The following CRAT variants were observed in gnomAD, a reference collection of about 807,000 sequenced individuals.
CRAT encodes the protein carnitine acetylase.
Under a neutral mutation model 73.7 loss-of-function variants are expected in CRAT, and 66 were observed. The observed-to-expected ratio is 0.90, with a 90% CI of 0.73 to 1.10. The LOEUF (loss-of-function observed/expected upper bound fraction) is 1.10. Among genes scored for constraint, CRAT ranks in the 50% least tolerant of loss-of-function variants. The probability of loss-of-function intolerance (pLI) is 0.00; values close to 1 mark genes in which losing one functional copy is unlikely to be tolerated. For missense variants in CRAT, 745 were observed against 846.9 expected, an observed-to-expected ratio of 0.88 and a Z score of 1.49; for synonymous variants, 321 against 343.2, an observed-to-expected ratio of 0.94 and a Z score of 0.71.
intron 1 of CRAT, chr9:129,109,416 T>G: frequency 1.7e-6 from 1 of 571,526 alleles, no homozygotes; most frequent in Non-Finnish European, 2.8e-6. Context: ...CGAACACTCA[T>G]TTTTTCCTGA....
In CRAT at chr9:129,095,496, G is replaced by T. The variant is rs1847221938; in HGVS notation, c.1782C>A (p.Ser594Arg). 6.2e-7 allele frequency: 1 copy of T among 1,613,536 alleles called. No individual in the cohort carries two copies. Among genetic ancestry groups the T allele is most frequent in the Non-Finnish European group, 8.5e-7 (1 of 1,180,006 alleles). Residue 594 changes from serine (S) to arginine (R), a missense_variant, in exon 14 of 14, where the codon AGC becomes AGA. Coordinates refer to ENST00000318080, the MANE Select transcript of CRAT (RefSeq NM_000755.5). ...GGCGGGCGGCGTTGGTCTCCGCGCA[G>T]CTGTTGTAGGCCGACAGGGAGAAGT... The part of the protein sequence containing the change: ...HINFSLSAYN[S>R]CAETNAARLA...
chr9:129,105,106 C>T (rs143503805), intron 2 of CRAT, among the ~76,000 whole-genome samples: 5,721 of 151,044 alleles, frequency 0.038, 304 homozygotes, highest in African/African-American at 0.13. Flanking sequence ...GGGGTTTCAC[C>T]GTGTTAGCCA....
Position 129,098,119 on chromosome 9 carries a change from T to C in CRAT, c.1358A>G (p.Glu453Gly), listed in dbSNP as rs1429480872. The C allele has an allele frequency of 3.7e-6, 6 of 1,613,780 alleles. No individual in the cohort carries two copies. In the East Asian group the frequency reaches 6.7e-5, roughly 18 times the overall value. ...GTGAAACATGCGCAGGGAGGCACTT[T>C]CATAGGTGGCACATGCCTGTCCGTA... ...RIYGQACATY[E>G]SASLRMFHLG... The change falls in exon 11 of 14, where the codon GAA becomes GGA. Residue 453 changes from glutamate to glycine, a missense_variant. Coordinates refer to ENST00000318080, the MANE Select transcript of CRAT (RefSeq NM_000755.5).
rs774894297 is a variant in CRAT at position 129,102,010 on chromosome 9, C to T, written c.678G>A (p.Ala226=). 30 of 1,614,064 alleles carry T rather than the reference C, an allele frequency of 1.9e-5. No homozygotes were observed. Among genetic ancestry groups the T allele is most frequent in the Admixed American group, 1.2e-4 (7 of 60,002 alleles). The change falls in exon 6 of 14, where the codon GCG becomes GCA. Residue 226 remains alanine, a synonymous_variant. Transcript: ENST00000318080. ...VYHSDGTPLT[A]DQIFVQLEKI... The stretch of plus-strand genomic sequence containing the variant: ...TCTCCAGCTGCACAAAGATCTGATC[C>T]GCAGTGAGGGGTGTCCCGTCACTGT...
At chr9:129,097,912 G>A in intron 11 of CRAT, 101 bp downstream of exon 11, 1 of 1,500,910 alleles carries the variant, frequency 6.7e-7, no homozygotes, top group South Asian at 1.3e-5. Flanking sequence ...GCCCACCATG[G>A]GGCTGGAATC....
At position 129,100,493 on chromosome 9, in the gene CRAT, AG is replaced by A. The variant is rs1219370791; in HGVS notation, c.984+17del. On this transcript the variant is annotated intron_variant, in intron 7 of 13. Transcript: ENST00000318080. ...TGTTCAGGTGTGTGTGAGTGGGCGA[AG>A]CCCTGCCGGGCCTCACCTGCAGCGT... The A allele has an allele frequency of 2.5e-6, 4 of 1,606,198 alleles. No individual in the cohort carries two copies. In the African/African-American group the frequency reaches 5.3e-5, roughly 21 times the overall value.
Position 129,110,593 on chromosome 9 carries a change from C to A in CRAT, c.-84G>T. 1 of 1,450,522 alleles carries A rather than the reference C, an allele frequency of 6.9e-7. No homozygotes were observed. Among genetic ancestry groups the A allele is most frequent in the South Asian group, 1.3e-5 (1 of 74,598 alleles). 89.9% of individuals were successfully genotyped at this position (1,450,522 alleles called of 1,614,324 possible). On this transcript the variant is annotated 5_prime_UTR_variant, in exon 1 of 14. Coordinates refer to ENST00000318080, the MANE Select transcript of CRAT (RefSeq NM_000755.5). The surrounding 1 kb of genome is among the most constrained non-coding windows in gnomAD (Gnocchi z 5.3). ...GCGCCGCCGCCGCCGCGGCTGGGGT[C>A]GGTGGGTCCTTGCTAGAGCCTTCGG...
chr9:129,104,814 C>G (rs1218644857), intron 2 of CRAT, among the ~76,000 whole-genome samples: 1 of 151,112 alleles, frequency 6.6e-6, no homozygotes, highest in East Asian at 1.9e-4. Flanking sequence ...CCGTGTTAGC[C>G]AGGATGGTCT....
intron 6 of CRAT, 36 bp from the exon 7 acceptor site, chr9:129,100,725 G>T (rs1275980728): frequency 3.8e-6 from 6 of 1,591,446 alleles, no homozygotes; most frequent in South Asian, 1.1e-5. Flanking sequence ...CGCAAAATGG[G>T]GTCTCATGGT....
chr9:129,095,927 G>C, intron 13 of CRAT, 71 bp downstream of exon 13: 1 of 1,592,250 alleles, frequency 6.3e-7, no homozygotes, highest in Non-Finnish European at 8.6e-7. Flanking sequence ...AGTGGGGCCT[G>C]TGTAGGCCAC....
Position 129,107,916 on chromosome 9 carries a change from C to G in CRAT, c.189G>C (p.Trp63Cys). 1 of 1,610,838 alleles carries G rather than the reference C, an allele frequency of 6.2e-7. No homozygotes were observed. The highest frequency in any genetic ancestry group is 8.5e-7 in the Non-Finnish European group (1 of 1,179,906). The part of the protein sequence containing the change: ...ALQPIVSEEE[W>C]AHTKQLVDEF... ...CATCCACCAGCTGCTTGGTGTGGGC[C>G]CACTCCTCCTCACTCACGATGGGCT... is the stretch of plus-strand genomic sequence containing the variant. Residue 63 changes from tryptophan (W) to cysteine (C), a missense_variant, in exon 2 of 14, where the codon TGG becomes TGC. By Grantham distance (215) the Trp-to-Cys change is radical. Coordinates refer to ENST00000318080, the MANE Select transcript of CRAT (RefSeq NM_000755.5). The surrounding 1 kb of genome is among the most constrained non-coding windows in gnomAD (Gnocchi z 5.0).
At chr9:129,095,736 G>A in intron 13 of CRAT, 124 bp from the exon 14 acceptor site, 1 of 1,050,694 alleles carries the variant, frequency 9.5e-7, no homozygotes, top group South Asian at 1.6e-5. Flanking sequence ...TCTGTCCCCT[G>A]CTATATCCCA....
chr9:129,097,579 G>A (rs920098713), intron 11 of CRAT, among the ~76,000 whole-genome samples: 7 of 152,008 alleles, frequency 4.6e-5, no homozygotes, highest in Non-Finnish European at 8.8e-5. Flanking sequence ...CATGGTGGCA[G>A]GCACCTGTAG....
At chr9:129,097,436 C>A (rs1042626737) in intron 11 of CRAT, 124 bp from the exon 12 acceptor site, 1 of 679,416 alleles carries the variant, frequency 1.5e-6, no homozygotes, top group East Asian at 3.3e-5. Context: ...GGGCTGGGAG[C>A]GGTGGCTCAC....
At position 129,110,450 on chromosome 9, in the gene CRAT, A is replaced by T; in HGVS notation, c.27+33T>A. 1.3e-6 allele frequency: 2 copies of T among 1,554,308 alleles called. No homozygotes were observed. Among genetic ancestry groups the T allele is most frequent in the Non-Finnish European group, 1.7e-6 (2 of 1,158,126 alleles). ...ACCGCACGGCCCGCCCAGGCCGTCC[A>T]GGGCCCTCAGGCCCGGGATCCGCCG... On this transcript the variant is annotated intron_variant, in intron 1 of 13. Coordinates refer to ENST00000318080, the MANE Select transcript of CRAT (RefSeq NM_000755.5). The surrounding 1 kb of genome is among the most constrained non-coding windows in gnomAD (Gnocchi z 5.3).
In CRAT at chr9:129,107,835, C is replaced by A; in HGVS notation, c.270G>T (p.Arg90=). 6.2e-7 allele frequency: 1 copy of A among 1,612,968 alleles called. No homozygotes were observed. The change falls in exon 2 of 14, where the codon CGG becomes CGT. Residue 90 remains arginine, a synonymous_variant. Transcript: ENST00000318080. This position sits in a 1 kb window ranked among gnomAD's most constrained non-coding sequence, Gnocchi z 5.0. The stretch of plus-strand genomic sequence containing the variant: ...TCACCCAGTTCTCCGTCTTCCTGGC[C>A]CGACGCTCCAGCCCCTTCTGCAGGC... ...GERLQKGLER[R]ARKTENWLSE... is the part of the protein sequence containing the mutation.
rs1182646290 is a variant in CRAT, at chr9:129,103,647, TC to T, written c.410+540del. 6.6e-6 allele frequency among the ~76,000 whole-genome samples: 1 copy of T among 152,154 alleles called. No individual in the cohort carries two copies. The highest frequency in any genetic ancestry group is 1.5e-5 in the Non-Finnish European group (1 of 68,010). Reference sequence around the variant, plus strand: ...CACCATGGGGACCAGTGGCTGGAGTTCCTGGGCCTGAACCCCGGCCCTTCCC... The same window carrying T: ...CACCATGGGGACCAGTGGCTGGAGTTCTGGGCCTGAACCCCGGCCCTTCCC... On this transcript the variant is annotated intron_variant, in intron 3 of 13. Transcript: ENST00000318080. This position sits in a 1 kb window ranked among gnomAD's most constrained non-coding sequence, Gnocchi z 4.6.
At chr9:129,108,397 T>G (rs1208953615) in intron 1 of CRAT, 17 of 1,200,196 alleles carry the variant, frequency 1.4e-5, no homozygotes, top group African/African-American at 1.6e-5. Context: ...CACAGGCCCC[T>G]CCTTTCTCAC....
intron 6 of CRAT, among the ~76,000 whole-genome samples, chr9:129,101,512 C>G (rs957285398): frequency 6.6e-6 from 1 of 152,204 alleles, no homozygotes; most frequent in Non-Finnish European, 1.5e-5. Flanking sequence ...TAGTTAAGCC[C>G]GCTCCCACCA....
Sources: allele counts gnomAD v4.1 joint callset (sites outside exome capture counted in the v4.1 genomes callset), GRCh38; gene constraint gnomAD v4.1.1; non-coding constraint Gnocchi (gnomAD v3.1); transcripts MANE v1.5; gene names NCBI Gene and HGNC (gene_info 2026-07-23, HGNC 2026-07-21).